PTPRD: variants seen among roughly 807,000 people sequenced by gnomAD.
PTPRD encodes the protein protein tyrosine phosphatase receptor type D, also known as receptor-type tyrosine-protein phosphatase delta.
A neutral mutation model predicts 214.5 loss-of-function variants in PTPRD; 34 were observed. The ratio of observed to expected loss-of-function variants is 0.16; its 90% CI spans 0.12 to 0.21. The LOEUF (loss-of-function observed/expected upper bound fraction) is 0.21, where lower values mean the gene tolerates loss of function less well. Among genes scored for constraint, PTPRD ranks in the 10% least tolerant of loss-of-function variants. PTPRD has a pLI of 1.00. For synonymous variants in PTPRD, 1,128 were observed against 845.7 expected (o/e 1.33, Z -5.79); for missense variants, 2,545 against 2,398.7 (o/e 1.06, Z -1.27).
chr9:8,538,844 C>G (rs1198520752), intron 14 of PTPRD, among the ~76,000 whole-genome samples: 1 of 151,864 alleles, frequency 6.6e-6, no homozygotes, highest in Non-Finnish European at 1.5e-5. Context: ...AAATACCATT[C>G]TCCAGTTGAA....
intron 37 of PTPRD, among the ~76,000 whole-genome samples, chr9:8,387,222 A>C (rs1299652013): frequency 6.6e-6 from 1 of 151,752 alleles, no homozygotes; most frequent in East Asian, 1.9e-4. Context: ...CTTCCAAATA[A>C]GTTCCTCTGG....
intron 11 of PTPRD, among the ~76,000 whole-genome samples, chr9:8,752,400 G>C (rs2093622320): frequency 6.6e-6 from 1 of 152,150 alleles, no homozygotes. Flanking sequence ...CTAAAAAGGG[G>C]AGGCATGAAT....
chr9:8,855,807 C>A (rs1013513848), intron 11 of PTPRD, among the ~76,000 whole-genome samples: 6 of 152,146 alleles, frequency 3.9e-5, no homozygotes, highest in African/African-American at 1.4e-4. Context: ...CCTTCCTTCA[C>A]AAAAGAAAAT....
chr9:9,364,769 T>C (rs568890783), intron 9 of PTPRD, among the ~76,000 whole-genome samples: 81 of 151,654 alleles, frequency 5.3e-4, no homozygotes, highest in Non-Finnish European at 9.5e-4. Flanking sequence ...TAGTGAGATA[T>C]GAAGCAGAGG....
At chr9:9,604,169 G>T (rs2093989906) in intron 7 of PTPRD, among the ~76,000 whole-genome samples, 1 of 151,972 alleles carries the variant, frequency 6.6e-6, no homozygotes, top group African/African-American at 2.4e-5. Context: ...ATAAGCCACT[G>T]ATTAAACTGT....
At chr9:9,364,653 A>G (rs761470977) in intron 9 of PTPRD, among the ~76,000 whole-genome samples, 2 of 151,380 alleles carry the variant, frequency 1.3e-5, no homozygotes, top group Non-Finnish European at 3.0e-5. Context: ...TATGGAGGCA[A>G]TGGAGGGAGA....
At chr9:9,827,895 A>G (rs1251482546) in intron 5 of PTPRD, among the ~76,000 whole-genome samples, 2 of 152,306 alleles carry the variant, frequency 1.3e-5, no homozygotes, top group South Asian at 2.1e-4. Context: ...CAAAAGACAC[A>G]TGAAAAAATG....
intron 6 of PTPRD, among the ~76,000 whole-genome samples, chr9:9,756,593 A>G (rs1250049268): frequency 6.6e-6 from 1 of 152,090 alleles, no homozygotes; most frequent in Non-Finnish European, 1.5e-5. Context: ...ATGGGGAACA[A>G]CTGTTTAGTG....
At chr9:9,667,846 C>T (rs2096752778) in intron 7 of PTPRD, among the ~76,000 whole-genome samples, 1 of 152,164 alleles carries the variant, frequency 6.6e-6, no homozygotes, top group South Asian at 2.1e-4. Flanking sequence ...TTTTGTCAAG[C>T]ATCCTTGGTG....
intron 12 of PTPRD, among the ~76,000 whole-genome samples, chr9:8,723,217 TCCC>T (rs2098520898): frequency 6.6e-6 from 1 of 151,982 alleles, no homozygotes; most frequent in African/African-American, 2.4e-5. Flanking sequence ...TTACACTCAT[TCCC>T]CCATCTGCCT....
chr9:8,693,431 G>C (rs1185620132), intron 12 of PTPRD, among the ~76,000 whole-genome samples: 1 of 152,152 alleles, frequency 6.6e-6, no homozygotes, highest in Non-Finnish European at 1.5e-5. Context: ...CTGTATCCTA[G>C]CAACTCATGG....
At chr9:9,660,558 A>G (rs2096603612) in intron 7 of PTPRD, among the ~76,000 whole-genome samples, 1 of 152,002 alleles carries the variant, frequency 6.6e-6, no homozygotes, top group Admixed American at 6.6e-5. Flanking sequence ...ATGTAACTCT[A>G]TCACAAGTTA....
chr9:9,158,725 A>G (rs1288646566), intron 10 of PTPRD, among the ~76,000 whole-genome samples: 1 of 152,200 alleles, frequency 6.6e-6, no homozygotes, highest in Non-Finnish European at 1.5e-5. Context: ...CAGCATTACC[A>G]CAGTATCAAA....
intron 10 of PTPRD, among the ~76,000 whole-genome samples, chr9:9,171,066 G>A (rs950644237): frequency 1.3e-5 from 2 of 152,156 alleles, no homozygotes; most frequent in African/African-American, 4.8e-5. Context: ...GCAGTACCAT[G>A]TTCTCAGAAA....
intron 8 of PTPRD, among the ~76,000 whole-genome samples, chr9:9,549,279 C>G (rs1310865502): frequency 1.3e-5 from 2 of 152,156 alleles, no homozygotes; most frequent in Admixed American, 6.6e-5. Context: ...CACACACAGA[C>G]ACACACGACA....
At chr9:10,144,205 T>C (rs1310747981) in intron 3 of PTPRD, among the ~76,000 whole-genome samples, 1 of 152,154 alleles carries the variant, frequency 6.6e-6, no homozygotes, top group Non-Finnish European at 1.5e-5. Flanking sequence ...CTCTTTGCAA[T>C]GTTTAACACA....
chr9:9,796,153 A>G (rs1012433315), intron 5 of PTPRD, among the ~76,000 whole-genome samples: 4 of 152,126 alleles, frequency 2.6e-5, no homozygotes, highest in African/African-American at 9.7e-5. Flanking sequence ...AGGATCCCCA[A>G]ATGGATACTA....
Position 9,980,608 on chromosome 9 carries a change from C to CAAAAAAAAAAAAAAAAAAAA in PTPRD, c.-471-41999_-471-41998insTTTTTTTTTTTTTTTTTTTT, listed in dbSNP as rs750547585. 2.6e-4 allele frequency among the ~76,000 whole-genome samples: 3 copies of CAAAAAAAAAAAAAAAAAAAA among 11,428 alleles called. 1 individual carries two copies. The highest frequency in any genetic ancestry group is 7.2e-4 in the African/African-American group (2 of 2,780). The allele number at this position is 11,428 out of a possible 152,430, so 7.5% of individuals were successfully genotyped here. A position where few individuals can be genotyped will look rare whatever the true frequency, so the allele number is the denominator to read the frequency against. On this transcript the variant is annotated intron_variant, in intron 4 of 45. Coordinates refer to ENST00000381196, the MANE Select transcript of PTPRD (RefSeq NM_002839.4). ...TGGGTAACAGAGTGAGACACCTTGT[C>CAAAAAAAAAAAAAAAAAAAA]AAAAAAAAACAAAAAAAAAAAAAAA...
intron 11 of PTPRD, among the ~76,000 whole-genome samples, chr9:8,786,053 GTGTGT>G (rs201510870): frequency 5.6e-5 from 8 of 141,768 alleles, no homozygotes; most frequent in African/African-American, 1.4e-4. Flanking sequence ...GTGTGTGTGT[GTGTGT>G]GTGTGTGTGT....
Sources: allele counts gnomAD v4.1 joint callset (sites outside exome capture counted in the v4.1 genomes callset), GRCh38; gene constraint gnomAD v4.1.1; transcripts MANE v1.5; gene names NCBI Gene and HGNC (gene_info 2026-07-23, HGNC 2026-07-21).